The following DLGAP2 variants were observed in gnomAD, a reference collection of about 807,000 sequenced individuals.
DLGAP2 encodes the protein disks large-associated protein 2.
In DLGAP2, 26 loss-of-function variants were observed where a neutral mutation model predicts 100.3. The observed-to-expected ratio is 0.26, with a 90% CI of 0.19 to 0.36. DLGAP2 has a LOEUF of 0.36. Among genes scored for constraint, DLGAP2 ranks in the 10% least tolerant of loss-of-function variants. The pLI, the probability that DLGAP2 is intolerant of heterozygous loss-of-function variation, is 1.00. For synonymous variants in DLGAP2, 886 were observed against 630.1 expected (o/e 1.41, Z -6.08); for missense variants, 1,858 against 1,453.2 (o/e 1.28, Z -4.53).
intron 3 of DLGAP2, among the ~76,000 whole-genome samples, chr8:1,370,470 T>A (rs1563110474): frequency 6.6e-6 from 1 of 152,270 alleles, no homozygotes; most frequent in Admixed American, 6.5e-5. Flanking sequence ...GTTGGGGCAT[T>A]CCACTCTCCT....
intron 2 of DLGAP2, among the ~76,000 whole-genome samples, chr8:993,699 C>T (rs1800696607): frequency 6.6e-6 from 1 of 151,204 alleles, no homozygotes; most frequent in East Asian, 2.0e-4. Flanking sequence ...ACTCGTGCCT[C>T]TCAGGGATAT....
intron 2 of DLGAP2, among the ~76,000 whole-genome samples, chr8:975,800 A>G (rs1679789721): frequency 2.6e-5 from 4 of 152,312 alleles, no homozygotes; most frequent in South Asian, 2.1e-4. Flanking sequence ...AAACTGGACA[A>G]TTTCCCCTCA....
At chr8:1,594,971 T>G (rs918994013) in intron 6 of DLGAP2, among the ~76,000 whole-genome samples, 3 of 152,122 alleles carry the variant, frequency 2.0e-5, no homozygotes, top group Non-Finnish European at 4.4e-5. Flanking sequence ...CTCCACTAAC[T>G]GGCCTCCCGC....
At chr8:1,284,603 A>C (rs984617578) in intron 3 of DLGAP2, among the ~76,000 whole-genome samples, 3 of 151,928 alleles carry the variant, frequency 2.0e-5, no homozygotes, top group Admixed American at 1.3e-4. Context: ...CATTTTTCCT[A>C]TCTTGTTCAT....
At chr8:1,544,682 G>T (rs529653453) in intron 4 of DLGAP2, among the ~76,000 whole-genome samples, 1 of 151,386 alleles carries the variant, frequency 6.6e-6, no homozygotes, top group African/African-American at 2.4e-5. Flanking sequence ...CATAGTCACT[G>T]TATATAATTC....
At chr8:1,265,093 C>T (rs1056051196) in intron 3 of DLGAP2, among the ~76,000 whole-genome samples, 1 of 151,982 alleles carries the variant, frequency 6.6e-6, no homozygotes, top group Admixed American at 6.6e-5. Context: ...TTCTTCATAG[C>T]ACTATGAAAA....
chr8:1,199,215 C>G (rs554538134), intron 2 of DLGAP2, among the ~76,000 whole-genome samples: 1 of 152,206 alleles, frequency 6.6e-6, no homozygotes, highest in Non-Finnish European at 1.5e-5. Context: ...ATTTTAATAT[C>G]TTCACTCAGT....
rs548981101 is a variant in DLGAP2 at position 937,585 on chromosome 8, T to C, written c.73+29619T>C. On this transcript the variant is annotated intron_variant, in intron 2 of 14. Transcript: ENST00000637795. The stretch of plus-strand genomic sequence containing the variant: ...AGAGAGCAATCTTTCTCCACACAGG[T>C]CCCTGGAGTTGCTTGGGGCTGGAGG... Among the ~76,000 whole-genome samples, 3 of 152,166 alleles carry C rather than the reference T, an allele frequency of 2.0e-5. No homozygotes were observed. The East Asian group carries it at 5.8e-4, about 30-fold the overall frequency.
chr8:1,230,468 T>C (rs1798513136), intron 2 of DLGAP2, among the ~76,000 whole-genome samples: 1 of 152,180 alleles, frequency 6.6e-6, no homozygotes, highest in Non-Finnish European at 1.5e-5. Flanking sequence ...GCTATTCCTA[T>C]CAAACTACCA....
chr8:1,209,584 C>G (rs894693885), intron 2 of DLGAP2, among the ~76,000 whole-genome samples: 1 of 152,132 alleles, frequency 6.6e-6, no homozygotes, highest in Non-Finnish European at 1.5e-5. Context: ...AGCCCAAACT[C>G]CCAATGTGAT....
At chr8:1,262,172 A>C (rs905103208) in intron 3 of DLGAP2, among the ~76,000 whole-genome samples, 1 of 152,230 alleles carries the variant, frequency 6.6e-6, no homozygotes, top group Non-Finnish European at 1.5e-5. Context: ...AACCAGGGAC[A>C]AAGTTTACAG....
chr8:947,856 G>A (rs905000915), intron 2 of DLGAP2, among the ~76,000 whole-genome samples: 1 of 150,142 alleles, frequency 6.7e-6, no homozygotes, highest in Non-Finnish European at 1.5e-5. Context: ...CAGCCCATGT[G>A]TGCCATGGCT....
intron 4 of DLGAP2, among the ~76,000 whole-genome samples, chr8:1,527,340 A>C (rs536658381): frequency 3.7e-4 from 56 of 152,296 alleles, no homozygotes; most frequent in African/African-American, 1.3e-3. Flanking sequence ...CCCCTCCGGG[A>C]GGGGCCACCT....
At chr8:1,251,652 C>G (rs78593262) in intron 2 of DLGAP2, among the ~76,000 whole-genome samples, 1,598 of 152,230 alleles carry the variant, frequency 0.01, 8 homozygotes, top group Middle Eastern at 0.027. Context: ...AGTTTTTGGC[C>G]TCTGTGTCAG....
rs1475469318 is a variant in DLGAP2, at chr8:1,560,498, T to C, written c.1231-5185T>C. Among the ~76,000 whole-genome samples the C allele has an allele frequency of 2.0e-5, 3 of 152,188 alleles. No individual in the cohort carries two copies. In the East Asian group the frequency reaches 5.8e-4, roughly 29 times the overall value. ...CAGTACTGTTGTCATTTCTCCTCTTTCCCTGATTACCAATTCCCCAGTCCC... is the reference window on the plus strand; with the variant it reads ...CAGTACTGTTGTCATTTCTCCTCTTCCCCTGATTACCAATTCCCCAGTCCC... On this transcript the variant is annotated intron_variant, in intron 5 of 14. Coordinates refer to ENST00000637795, the MANE Select transcript of DLGAP2 (RefSeq NM_001346810.2).
At chr8:1,537,399 G>A (rs1273825000) in intron 4 of DLGAP2, among the ~76,000 whole-genome samples, 1 of 151,998 alleles carries the variant, frequency 6.6e-6, no homozygotes, top group Non-Finnish European at 1.5e-5. Context: ...TCATTAAAAT[G>A]ATTACCTATC....
At chr8:1,484,970 A>G (rs1358360044) in intron 3 of DLGAP2, among the ~76,000 whole-genome samples, 1 of 152,210 alleles carries the variant, frequency 6.6e-6, no homozygotes, top group East Asian at 1.9e-4. Flanking sequence ...CTGCAATGTC[A>G]ATAAGAAGGC....
intron 2 of DLGAP2, among the ~76,000 whole-genome samples, chr8:1,169,391 T>C (rs1018338652): frequency 1.3e-5 from 2 of 152,194 alleles, no homozygotes; most frequent in Non-Finnish European, 2.9e-5. Flanking sequence ...ATATGAACTT[T>C]AAAGTAGTTT....
chr8:1,653,325 T>C (rs1157572055), intron 8 of DLGAP2, among the ~76,000 whole-genome samples: 1 of 152,192 alleles, frequency 6.6e-6, no homozygotes, highest in Non-Finnish European at 1.5e-5. Context: ...CCGACAATCC[T>C]CACCCCGCTC....
Sources: allele counts gnomAD v4.1 joint callset (sites outside exome capture counted in the v4.1 genomes callset), GRCh38; gene constraint gnomAD v4.1.1; transcripts MANE v1.5; gene names NCBI Gene and HGNC (gene_info 2026-07-23, HGNC 2026-07-21).